NEMP2: variants seen among roughly 807,000 people sequenced by gnomAD.
NEMP2 encodes nuclear envelope integral membrane protein 2, also known as UPF0571 transmembrane protein.
NEMP2 carries 53 observed loss-of-function variants against 54.2 expected under a neutral mutation model. The observed-to-expected ratio is 0.98, with a 90% CI of 0.78 to 1.23. The LOEUF (loss-of-function observed/expected upper bound fraction) is 1.23. NEMP2 is among the 50% of genes most tolerant of loss of function. The probability of loss-of-function intolerance (pLI) is 0.00; values close to 1 mark genes in which losing one functional copy is unlikely to be tolerated. For synonymous variants in NEMP2, 197 were observed against 190.3 expected, an observed-to-expected ratio of 1.04 and a Z score of -0.29; for missense variants, 455 against 511.3, an observed-to-expected ratio of 0.89 and a Z score of 1.06.
At chr2:190,424,072 A>G in the NEMP2 span, among the ~76,000 whole-genome samples, 1 of 152,180 alleles carries the variant, frequency 6.6e-6, no homozygotes, top group Non-Finnish European at 1.5e-5. The surrounding 1 kb of genome is among the most constrained non-coding windows in gnomAD (Gnocchi z 5.9). Flanking sequence ...GTATTTTCTC[A>G]CAGTCTGTAG....
chr2:190,459,079 T>C, the NEMP2 span, among the ~76,000 whole-genome samples: 4 of 152,308 alleles, frequency 2.6e-5, no homozygotes, highest in East Asian at 7.7e-4. This position sits in a 1 kb window ranked among gnomAD's most constrained non-coding sequence, Gnocchi z 5.3. Flanking sequence ...CCTGCAGCTT[T>C]GCTTCTCCAA....
At chr2:190,584,678 G>T in the NEMP2 span, among the ~76,000 whole-genome samples, 1 of 151,946 alleles carries the variant, frequency 6.6e-6, no homozygotes, top group African/African-American at 2.4e-5. The surrounding 1 kb of genome is among the most constrained non-coding windows in gnomAD (Gnocchi z 4.2). Flanking sequence ...TTTAAGACCA[G>T]ACTGGGAAAC....
the NEMP2 span, chr2:190,497,484 T>C: frequency 6.2e-7 from 1 of 1,614,150 alleles, no homozygotes; most frequent in South Asian, 1.1e-5. The surrounding 1 kb of genome is among the most constrained non-coding windows in gnomAD (Gnocchi z 5.2). Flanking sequence ...TCCAGTCCCG[T>C]TCCTATAGCA....
chr2:190,602,876 GGGAA>G, the NEMP2 span, among the ~76,000 whole-genome samples: 1 of 152,150 alleles, frequency 6.6e-6, no homozygotes, highest in Non-Finnish European at 1.5e-5. Flanking sequence ...ACTGAAAGGT[GGGAA>G]GGAAGAGGGA....
chr2:190,635,040 G>A, the NEMP2 span, among the ~76,000 whole-genome samples: 3 of 152,238 alleles, frequency 2.0e-5, no homozygotes, highest in African/African-American at 4.8e-5. The surrounding 1 kb of genome is among the most constrained non-coding windows in gnomAD (Gnocchi z 4.1). Flanking sequence ...AATAAGCCAC[G>A]TGATTTGAGG....
upstream of NEMP2, among the ~76,000 whole-genome samples, chr2:190,536,908 A>C (rs80047356): frequency 8.0e-3 from 1,220 of 152,366 alleles, 6 homozygotes; most frequent in African/African-American, 0.027. Flanking sequence ...CAGAAGAGGC[A>C]TGTTTATTTC....
Position 190,509,784 on chromosome 2 carries a change from A to G in NEMP2, c.1131-472T>C, listed in dbSNP as rs2125302579. The stretch of plus-strand genomic sequence containing the variant: ...GCTGGGTGCGGTGGCTCATGCCTGT[A>G]ATCCCAGCACTTTGGGAGGCCAAGG... On this transcript the variant is annotated intron_variant, in intron 8 of 8. Coordinates refer to ENST00000409150, the MANE Select transcript of NEMP2 (RefSeq NM_001142645.2). The surrounding 1 kb of genome is among the most constrained non-coding windows in gnomAD (Gnocchi z 6.1). Among the ~76,000 whole-genome samples, 1 of 152,344 alleles carries G rather than the reference A, an allele frequency of 6.6e-6. No individual in the cohort carries two copies. The highest frequency in any genetic ancestry group is 2.4e-5 in the African/African-American group (1 of 41,580).
chr2:190,486,449 G>T, the NEMP2 span, among the ~76,000 whole-genome samples: 2 of 152,192 alleles, frequency 1.3e-5, no homozygotes, highest in African/African-American at 4.8e-5. Context: ...TAGCCACCTT[G>T]GCTCCCTAGA....
At chr2:190,599,776 G>T in the NEMP2 span, among the ~76,000 whole-genome samples, 1 of 152,088 alleles carries the variant, frequency 6.6e-6, no homozygotes, top group African/African-American at 2.4e-5. Context: ...CCTATAGCAG[G>T]GATGACAAAG....
Position 190,529,963 on chromosome 2 carries a change from G to A in NEMP2, c.98-4585C>T, listed in dbSNP as rs183015861. Among the ~76,000 whole-genome samples the A allele has an allele frequency of 3.9e-5, 6 of 152,340 alleles. No homozygotes were observed. In the East Asian group the frequency reaches 1.2e-3, roughly 29 times the overall value. The stretch of plus-strand genomic sequence containing the variant: ...AATACATCCATAGCTAGAGGGTTGA[G>A]TACTGTAACCCTTAACATCCTCTGG... On this transcript the variant is annotated intron_variant, in intron 1 of 8. Coordinates refer to ENST00000409150, the MANE Select transcript of NEMP2 (RefSeq NM_001142645.2). This position sits in a 1 kb window ranked among gnomAD's most constrained non-coding sequence, Gnocchi z 4.7.
At chr2:190,452,707 A>G in the NEMP2 span, among the ~76,000 whole-genome samples, 1 of 152,070 alleles carries the variant, frequency 6.6e-6, no homozygotes, top group African/African-American at 2.4e-5. Flanking sequence ...AATGGTTTCA[A>G]CCACCCTCCT....
chr2:190,648,430 C>G, the NEMP2 span: 1 of 152,190 alleles, frequency 6.6e-6, no homozygotes, highest in Admixed American at 6.5e-5. Flanking sequence ...GACGCCTCGC[C>G]CCCCCGGGCA....
chr2:190,444,298 A>G, the NEMP2 span, among the ~76,000 whole-genome samples: 1 of 152,216 alleles, frequency 6.6e-6, no homozygotes, highest in Non-Finnish European at 1.5e-5. Context: ...AGCCCAGTGT[A>G]TGAGTATTCT....
chr2:190,427,382 A>G, the NEMP2 span, among the ~76,000 whole-genome samples: 1 of 152,160 alleles, frequency 6.6e-6, no homozygotes, highest in Non-Finnish European at 1.5e-5. Context: ...TAGGGTTATG[A>G]TCATTTTTTC....
At chr2:190,546,982 C>G in the NEMP2 span, among the ~76,000 whole-genome samples, 1 of 152,198 alleles carries the variant, frequency 6.6e-6, no homozygotes, top group Admixed American at 6.5e-5. This position sits in a 1 kb window ranked among gnomAD's most constrained non-coding sequence, Gnocchi z 5.1. Context: ...GCCGTCCTTG[C>G]TGCTGACACT....
At chr2:190,584,929 AAGAAAGAAAGAAAGAAAGAAAG>A in the NEMP2 span, among the ~76,000 whole-genome samples, 1 of 149,880 alleles carries the variant, frequency 6.7e-6, no homozygotes, top group East Asian at 2.0e-4. The surrounding 1 kb of genome is among the most constrained non-coding windows in gnomAD (Gnocchi z 4.2). Flanking sequence ...GAAAGAAAGA[AAGAAAGAAAGAAAGAAAGAAAG>A]AAAGAAAGAA....
the NEMP2 span, chr2:190,497,402 T>C: frequency 2.3e-5 from 36 of 1,596,074 alleles, no homozygotes; most frequent in Non-Finnish European, 2.7e-5. This position sits in a 1 kb window ranked among gnomAD's most constrained non-coding sequence, Gnocchi z 5.2. Flanking sequence ...ATGTAGAAAA[T>C]GCTGAAAAAA....
intron 5 of NEMP2, among the ~76,000 whole-genome samples, chr2:190,516,876 A>G (rs374298661): frequency 1.6e-4 from 25 of 152,248 alleles, no homozygotes; most frequent in African/African-American, 6.0e-4. Flanking sequence ...AGATCGCTGG[A>G]GCTCAGGAGT....
At chr2:190,568,271 C>T in the NEMP2 span, among the ~76,000 whole-genome samples, 3 of 152,236 alleles carry the variant, frequency 2.0e-5, no homozygotes, top group African/African-American at 7.2e-5. This position sits in a 1 kb window ranked among gnomAD's most constrained non-coding sequence, Gnocchi z 4.7. Flanking sequence ...GGACACACAG[C>T]TCTAGTAAGG....
Sources: gnomAD v4.1 joint callset for allele counts (sites outside exome capture counted in the v4.1 genomes callset) on GRCh38, gnomAD v4.1.1 for gene constraint, Gnocchi (gnomAD v3.1) non-coding constraint, MANE v1.5 for transcripts, NCBI Gene and HGNC (gene_info 2026-07-23, HGNC 2026-07-21) for gene names.